RAB3IL1: variants seen among roughly 807,000 people sequenced by gnomAD.
RAB3IL1 encodes the protein guanine nucleotide exchange factor for Rab-3A.
In RAB3IL1, 37 loss-of-function variants were observed where a neutral mutation model predicts 49.2. The observed-to-expected ratio is 0.75, with a 90% CI of 0.58 to 0.99. The LOEUF is 0.99. Ranked by LOEUF, RAB3IL1 falls within the 50% of genes least tolerant of loss-of-function variation. The probability of loss-of-function intolerance (pLI) is 0.00; values close to 1 mark genes in which losing one functional copy is unlikely to be tolerated. For synonymous variants in RAB3IL1, 193 were observed against 213.9 expected (o/e 0.90, Z 0.85); for missense variants, 484 against 513.0 (o/e 0.94, Z 0.55).
upstream of RAB3IL1, chr11:61,917,645 G>T: frequency 1.1e-6 from 1 of 892,696 alleles, no homozygotes; most frequent in Non-Finnish European, 1.4e-6. Context: ...TCCGGCGCGC[G>T]CTCCCAAGGC....
the RAB3IL1 span, among the ~76,000 whole-genome samples, chr11:61,940,444 A>G: frequency 6.6e-6 from 1 of 151,646 alleles, no homozygotes; most frequent in Non-Finnish European, 1.5e-5. Context: ...CTCCGTCTCA[A>G]AAAAAAAGAA....
chr11:61,917,215 C>T (rs1939734395), intron 1 of RAB3IL1, 142 bp downstream of exon 1: 1 of 1,237,304 alleles, frequency 8.1e-7, no homozygotes, highest in African/African-American at 1.6e-5. Flanking sequence ...GGCTGCAAGT[C>T]GGCTCGCCTG....
At chr11:61,914,164 C>T (rs1302811988) in intron 1 of RAB3IL1, among the ~76,000 whole-genome samples, 2 of 152,248 alleles carry the variant, frequency 1.3e-5, no homozygotes, top group Non-Finnish European at 2.9e-5. Context: ...CCCACAGATC[C>T]ATGCCCTTAG....
rs962427046 is a variant in RAB3IL1, at chr11:61,897,442, G to A, written c.*836C>T. The A allele has an allele frequency of 6.6e-6, 1 of 152,374 alleles. No homozygotes were observed. Among genetic ancestry groups the A allele is most frequent in the African/African-American group, 2.4e-5 (1 of 41,392 alleles). The allele number at this position is 152,374 out of a possible 1,614,324, so 9.4% of individuals were successfully genotyped here. A position where few individuals can be genotyped will look rare whatever the true frequency, so the allele number is the denominator to read the frequency against. ...GGGCTCTGATGGGTGGGAGGGCCCA[G>A]GTCCTGCCTGCCCACCCAGGCCCCA... is the stretch of plus-strand genomic sequence containing the variant. On this transcript the variant is annotated 3_prime_UTR_variant, in exon 10 of 10. Transcript: ENST00000394836.
chr11:61,902,531 G>T lies in RAB3IL1; in HGVS notation c.910C>A (p.Leu304Met). Residue 304 changes from leucine (L) to methionine (M), a missense_variant, in exon 8 of 10, where the codon CTG (leucine) becomes ATG (methionine). By Grantham distance (15) the Leu-to-Met change is conservative. Transcript: ENST00000394836. ...VDCSSTNTCA[L>M]SGLTRTCRHR... is the part of the protein sequence containing the mutation. Reference sequence around the variant, plus strand: ...CGGCAGGTGCGGGTCAGCCCGCTCAGGGCACATGTGCTAGGGGAAAGCAAA... The same window carrying T: ...CGGCAGGTGCGGGTCAGCCCGCTCATGGCACATGTGCTAGGGGAAAGCAAA... The T allele has an allele frequency of 6.3e-7, 1 of 1,598,326 alleles. No homozygotes were observed. The highest frequency in any genetic ancestry group is 8.5e-7 in the Non-Finnish European group (1 of 1,174,470).
At chr11:61,912,839 AAGAGGGGACAGC>A (rs768798036) in intron 1 of RAB3IL1, among the ~76,000 whole-genome samples, 1 of 152,058 alleles carries the variant, frequency 6.6e-6, no homozygotes, top group Non-Finnish European at 1.5e-5. Context: ...GACCTGGGCT[AAGAGGGGACAGC>A]AGAGGGGACA....
chr11:61,921,162 C>A (rs184157511), upstream of RAB3IL1, among the ~76,000 whole-genome samples: 27 of 152,178 alleles, frequency 1.8e-4, no homozygotes, highest in African/African-American at 6.3e-4. Context: ...CCATGCTTGG[C>A]TAATTTTTAA....
At chr11:61,942,529 C>A in the RAB3IL1 span, among the ~76,000 whole-genome samples, 1 of 152,166 alleles carries the variant, frequency 6.6e-6, no homozygotes, top group Non-Finnish European at 1.5e-5. Flanking sequence ...CCTCCTTGGT[C>A]TCCCCAAATG....
At chr11:61,899,925 C>T (rs562438686) in intron 8 of RAB3IL1, among the ~76,000 whole-genome samples, 6 of 152,336 alleles carry the variant, frequency 3.9e-5, no homozygotes, top group South Asian at 2.1e-4. Flanking sequence ...TGCCAGGCCC[C>T]GGGGACCCTG....
In RAB3IL1 at chr11:61,898,720, C is replaced by G. The variant is rs547014843; in HGVS notation, c.1067-360G>C. ...TCCCTGGGGTCTCACAAGGACCCTG[C>G]GCAGTGAGGCGGGGACCACAGCGGC... On this transcript the variant is annotated intron_variant, in intron 9 of 9. Transcript: ENST00000394836. This position sits in a 1 kb window ranked among gnomAD's most constrained non-coding sequence, Gnocchi z 5.1. 7 of 482,178 alleles carry G rather than the reference C, an allele frequency of 1.5e-5. No individual in the cohort carries two copies. Among genetic ancestry groups the G allele is most frequent in the South Asian group, 9.4e-5 (6 of 63,656 alleles). The allele number at this position is 482,178 out of a possible 1,614,324, so 29.9% of individuals were successfully genotyped here. A position where few individuals can be genotyped will look rare whatever the true frequency, so the allele number is the denominator to read the frequency against.
At chr11:61,902,288 A>C (rs1938955724) in intron 8 of RAB3IL1, among the ~76,000 whole-genome samples, 154 bp downstream of exon 8, 1 of 152,254 alleles carries the variant, frequency 6.6e-6, no homozygotes, top group Non-Finnish European at 1.5e-5. Context: ...ACTGCACTCC[A>C]GCCTGGGTGA....
rs57728193 is a variant in RAB3IL1 at position 61,898,742 on chromosome 11, C to T, written c.1067-382G>A. 0.014 allele frequency: 6,529 copies of T among 478,632 alleles called. 379 individuals carry two copies. The highest frequency in any genetic ancestry group is 0.12 in the African/African-American group (5,985 of 51,292). The allele number at this position is 478,632 out of a possible 1,614,324, so 29.6% of individuals were successfully genotyped here. On this transcript the variant is annotated intron_variant, in intron 9 of 9. Coordinates refer to ENST00000394836, the MANE Select transcript of RAB3IL1 (RefSeq NM_013401.4). This position sits in a 1 kb window ranked among gnomAD's most constrained non-coding sequence, Gnocchi z 5.1. ...CTGCGCAGTGAGGCGGGGACCACAGCGGCCATCCAGGGACCTAGCAGGTGT... is the reference window on the plus strand; with the variant it reads ...CTGCGCAGTGAGGCGGGGACCACAGTGGCCATCCAGGGACCTAGCAGGTGT...
At chr11:61,899,262 C>T in intron 9 of RAB3IL1, 52 bp downstream of exon 9, 2 of 1,562,330 alleles carry the variant, frequency 1.3e-6, no homozygotes, top group Non-Finnish European at 1.7e-6. Context: ...ACTTCCCCAT[C>T]CAGCCCCACT....
intron 1 of RAB3IL1, among the ~76,000 whole-genome samples, chr11:61,908,731 G>A (rs547259570): frequency 3.3e-5 from 5 of 152,314 alleles, no homozygotes; most frequent in Admixed American, 6.5e-5. Context: ...TTGACACCTC[G>A]GATGCACTCA....
At chr11:61,916,151 G>T (rs1005736119) in intron 1 of RAB3IL1, among the ~76,000 whole-genome samples, 1 of 151,992 alleles carries the variant, frequency 6.6e-6, no homozygotes, top group African/African-American at 2.4e-5. Flanking sequence ...TTCGAGACCA[G>T]CCTGATCAAT....
chr11:61,921,459 T>C (rs1234665071), upstream of RAB3IL1, among the ~76,000 whole-genome samples: 1 of 152,184 alleles, frequency 6.6e-6, no homozygotes, highest in Non-Finnish European at 1.5e-5. Flanking sequence ...CCCTGACTGC[T>C]ATCTCCACTG....
rs1232029797 is a variant in RAB3IL1 at position 61,899,297 on chromosome 11, C to T, written c.1066+17G>A. ...TCCCGTGTGCGATCCCTGCACCGGCCACCAGGGGGCGCTCACCGTCCTGCC... is the reference window on the plus strand; with the variant it reads ...TCCCGTGTGCGATCCCTGCACCGGCTACCAGGGGGCGCTCACCGTCCTGCC... On this transcript the variant is annotated intron_variant, in intron 9 of 9. Transcript: ENST00000394836. 1 of 1,601,702 alleles carries T rather than the reference C, an allele frequency of 6.2e-7. No homozygotes were observed.
At chr11:61,931,252 G>C in the RAB3IL1 span, among the ~76,000 whole-genome samples, 1 of 152,172 alleles carries the variant, frequency 6.6e-6, no homozygotes, top group Non-Finnish European at 1.5e-5. Context: ...TGGGCCAGTA[G>C]CTGAATAAGA....
intron 1 of RAB3IL1, among the ~76,000 whole-genome samples, chr11:61,916,647 G>A (rs942481216): frequency 4.6e-5 from 7 of 152,212 alleles, no homozygotes; most frequent in Non-Finnish European, 7.3e-5. Flanking sequence ...CCGGCCACGG[G>A]GAAGAGGAAG....
Sources: allele counts gnomAD v4.1 joint callset (sites outside exome capture counted in the v4.1 genomes callset), GRCh38; gene constraint gnomAD v4.1.1; non-coding constraint Gnocchi (gnomAD v3.1); transcripts MANE v1.5; gene names NCBI Gene and HGNC (gene_info 2026-07-23, HGNC 2026-07-21).